The following P2RX3 variants were observed in gnomAD, a reference collection of about 807,000 sequenced individuals.
P2RX3 encodes the protein purinergic receptor P2X 3, also known as P2X purinoceptor 3.
In P2RX3, 41 loss-of-function variants were observed where a neutral mutation model predicts 51.5. That is an observed-to-expected ratio of 0.80 (90% CI 0.62 to 1.03). The LOEUF (loss-of-function observed/expected upper bound fraction) is 1.03. Ranked by LOEUF, P2RX3 falls within the 50% of genes least tolerant of loss-of-function variation. P2RX3 has a pLI of 0.00. For synonymous variants in P2RX3, 185 were observed against 191.6 expected (o/e 0.97, Z 0.29); for missense variants, 459 against 522.1 (o/e 0.88, Z 1.18).
upstream of P2RX3, among the ~76,000 whole-genome samples, chr11:57,336,417 C>T (rs942254575): frequency 2.6e-5 from 4 of 152,210 alleles, no homozygotes; most frequent in Admixed American, 1.3e-4. Context: ...CAGTTCAAGT[C>T]CTGGTGTCAG....
At chr11:57,340,217 CCTGGCTCCA>C (rs1353879773) in intron 1 of P2RX3, among the ~76,000 whole-genome samples, 1 of 152,168 alleles carries the variant, frequency 6.6e-6, no homozygotes, top group Non-Finnish European at 1.5e-5. Flanking sequence ...CCCCTTCTGG[CCTGGCTCCA>C]CTGGCTCCAG....
In P2RX3 at chr11:57,368,363, T is replaced by G. The variant is rs1447116254; in HGVS notation, c.937-9T>G. 6 of 1,614,006 alleles carry G rather than the reference T, an allele frequency of 3.7e-6. No homozygotes were observed. Among genetic ancestry groups the G allele is most frequent in the African/African-American group, 1.3e-5 (1 of 74,916 alleles). ...CTCTGCCCACTTGCCTTGGTCTTTG[T>G]GCACACAGGCTGGCAAGTTCAACAT... On this transcript the variant is annotated splice_polypyrimidine_tract_variant and intron_variant, in intron 9 of 11. Transcript: ENST00000263314.
At position 57,350,477 on chromosome 11, in the gene P2RX3, G is replaced by C; in HGVS notation, c.706-285G>C. On this transcript the variant is annotated intron_variant, in intron 7 of 11. Transcript: ENST00000263314. Reference sequence around the variant, plus strand: ...TTTGGTATTTTTAGTAGAGTCAGGGGTTCGCCGTGTTAGCCAGGATGGTCT... The same window carrying C: ...TTTGGTATTTTTAGTAGAGTCAGGGCTTCGCCGTGTTAGCCAGGATGGTCT... The C allele has an allele frequency of 1.2e-5, 4 of 331,222 alleles. No homozygotes were observed. The South Asian group carries it at 1.5e-4, about 12-fold the overall frequency. 20.5% of individuals were successfully genotyped at this position (331,222 alleles called of 1,614,324 possible). A position where few individuals can be genotyped will look rare whatever the true frequency, so the allele number is the denominator to read the frequency against.
intron 1 of P2RX3, among the ~76,000 whole-genome samples, chr11:57,341,755 G>A (rs1039268090): frequency 2.0e-5 from 3 of 152,134 alleles, no homozygotes; most frequent in African/African-American, 7.2e-5. Flanking sequence ...CAAACTAGGA[G>A]GCCAGGGACT....
Position 57,339,901 on chromosome 11 carries a change from C to CTCTGTGTGCTG in P2RX3, c.119+1232_119+1233insTCTGTGTGCTG, listed in dbSNP as rs1856307237. Reference sequence around the variant, plus strand: ...GTGATTTTTTGCTCTGTGTGCTGGGCAAGCCCTGGTAGGCTTCAGTGGGCA... The same window carrying CTCTGTGTGCTG: ...GTGATTTTTTGCTCTGTGTGCTGGGCTCTGTGTGCTGAAGCCCTGGTAGGCTTCAGTGGGCA... On this transcript the variant is annotated intron_variant, in intron 1 of 11. Coordinates refer to ENST00000263314, the MANE Select transcript of P2RX3 (RefSeq NM_002559.5). Among the ~76,000 whole-genome samples, 3 of 152,120 alleles carry CTCTGTGTGCTG rather than the reference C, an allele frequency of 2.0e-5. No homozygotes were observed. The South Asian group carries it at 6.2e-4, about 32-fold the overall frequency.
chr11:57,366,574 GA>G (rs1339541576), intron 8 of P2RX3, among the ~76,000 whole-genome samples: 1 of 152,126 alleles, frequency 6.6e-6, no homozygotes, highest in African/African-American at 2.4e-5. Context: ...AACCTCATTT[GA>G]AAAACAGAGC....
chr11:57,348,274 A>G lies in P2RX3; in HGVS notation c.485+11A>G. 2 of 1,591,600 alleles carry G rather than the reference A, an allele frequency of 1.3e-6. No individual in the cohort carries two copies. Among genetic ancestry groups the G allele is most frequent in the Non-Finnish European group, 1.7e-6 (2 of 1,169,202 alleles). ...GGACACAGTGGAAACGTAAGGCTCC[A>G]AGCCAGACAGGAGGAGACAGGCCCC... On this transcript the variant is annotated intron_variant, in intron 5 of 11. Transcript: ENST00000263314.
In P2RX3 at chr11:57,350,801, T is replaced by C; in HGVS notation, c.745T>C (p.Leu249=). 1 of 1,613,862 alleles carries C rather than the reference T, an allele frequency of 6.2e-7. No homozygotes were observed. The highest frequency in any genetic ancestry group is 8.5e-7 in the Non-Finnish European group (1 of 1,179,944). The part of the protein sequence containing the change: ...LGIKIGWVCD[L]DKAWDQCIPK... ...CATTAAGATCGGCTGGGTGTGCGACTTGGACAAGGCCTGGGACCAGTGCAT... is the reference window on the plus strand; with the variant it reads ...CATTAAGATCGGCTGGGTGTGCGACCTGGACAAGGCCTGGGACCAGTGCAT... Residue 249 remains leucine, a synonymous_variant, in exon 8 of 12, where the codon TTG becomes CTG. Coordinates refer to ENST00000263314, the MANE Select transcript of P2RX3 (RefSeq NM_002559.5).
chr11:57,366,697 G>C (rs1047817781), intron 8 of P2RX3, among the ~76,000 whole-genome samples: 9 of 152,226 alleles, frequency 5.9e-5, no homozygotes, highest in Admixed American at 3.3e-4. Context: ...AGGCTGAGAA[G>C]TCCAAGGCTG....
intron 1 of P2RX3, among the ~76,000 whole-genome samples, chr11:57,340,197 T>C (rs192152429): frequency 6.6e-6 from 1 of 152,314 alleles, no homozygotes; most frequent in East Asian, 1.9e-4. Context: ...AAAATCTGGC[T>C]CAGCACATTC....
At chr11:57,346,906 T>C (rs1419735284) in intron 2 of P2RX3, among the ~76,000 whole-genome samples, 3 of 152,176 alleles carry the variant, frequency 2.0e-5, no homozygotes, top group East Asian at 1.9e-4. Context: ...CAACTTGTAA[T>C]GCAATCAAGG....
At chr11:57,345,844 T>G (rs1856420695) in intron 1 of P2RX3, among the ~76,000 whole-genome samples, 1 of 152,054 alleles carries the variant, frequency 6.6e-6, no homozygotes, top group African/African-American at 2.4e-5. Flanking sequence ...ATCCAGGGAA[T>G]AAGATCAGAC....
In P2RX3 at chr11:57,372,279, C is replaced by T. The variant is rs10896612; in HGVS notation, c.*2282C>T. Among the ~76,000 whole-genome samples the T allele has an allele frequency of 0.82, 124,377 of 152,202 alleles. 51,351 individuals are homozygous for T. Among genetic ancestry groups the T allele is most frequent in the East Asian group, 0.99 (5,115 of 5,178 alleles). On this transcript the variant is annotated 3_prime_UTR_variant, in exon 12 of 12. Coordinates refer to ENST00000263314, the MANE Select transcript of P2RX3 (RefSeq NM_002559.5). ...TAATCATTCAACATAAAAGCCAACACTGATTACTTACTATTGGCAGGCAAT... is the reference window on the plus strand; with the variant it reads ...TAATCATTCAACATAAAAGCCAACATTGATTACTTACTATTGGCAGGCAAT...
At chr11:57,364,055 G>T (rs914045277) in intron 8 of P2RX3, among the ~76,000 whole-genome samples, 2 of 152,138 alleles carry the variant, frequency 1.3e-5, no homozygotes, top group Non-Finnish European at 2.9e-5. Context: ...ACGACTTTTT[G>T]TTCTCCAAGT....
rs1856277261 is a variant in P2RX3 at position 57,338,512 on chromosome 11, TG to T, written c.-36del. 1.4e-6 allele frequency: 2 copies of T among 1,475,644 alleles called. No homozygotes were observed. The highest frequency in any genetic ancestry group is 1.9e-6 in the Non-Finnish European group (2 of 1,065,862). The allele number at this position is 1,475,644 out of a possible 1,614,324, so 91.4% of individuals were successfully genotyped here. A position where few individuals can be genotyped will look rare whatever the true frequency, so the allele number is the denominator to read the frequency against. On this transcript the variant is annotated 5_prime_UTR_variant, in exon 1 of 12. Coordinates refer to ENST00000263314, the MANE Select transcript of P2RX3 (RefSeq NM_002559.5). ...GACCTCCCTCTCCTGAGGCCACCACTGGGCCCCCTTCTGAGTGTCCCCTGAG... is the reference window on the plus strand; with the variant it reads ...GACCTCCCTCTCCTGAGGCCACCACTGGCCCCCTTCTGAGTGTCCCCTGAG...
chr11:57,352,809 C>T (rs1452952813), intron 8 of P2RX3, among the ~76,000 whole-genome samples: 2 of 152,158 alleles, frequency 1.3e-5, no homozygotes, highest in Admixed American at 6.5e-5. Context: ...CCCCAAAGAC[C>T]CTGCCTGCAT....
chr11:57,354,053 C>T (rs982775745), intron 8 of P2RX3, among the ~76,000 whole-genome samples: 3 of 152,034 alleles, frequency 2.0e-5, no homozygotes, highest in African/African-American at 4.8e-5. Context: ...AAGGAGTTTA[C>T]GGACCCATGT....
Position 57,347,174 on chromosome 11 carries a change from G to A in P2RX3, c.314G>A (p.Gly105Glu), listed in dbSNP as rs747101058. The change falls in exon 3 of 12, where the codon GGA (glycine) becomes GAA (glutamate). Residue 105 changes from glycine to glutamate, a missense_variant. By Grantham distance (98) the Gly-to-Glu change is moderately conservative. Transcript: ENST00000263314. ...KMIVTENQMQ[G>E]FCPESEEKYR... The stretch of plus-strand genomic sequence containing the variant: ...ATTGTTACTGAAAATCAGATGCAAG[G>A]ATTCTGCCCAGAGGTGAGGGGAGGA... The A allele has an allele frequency of 9.3e-6, 15 of 1,613,444 alleles. No individual in the cohort carries two copies. The East Asian group carries it at 3.1e-4, about 34-fold the overall frequency.
chr11:57,337,907 A>G (rs897990655), upstream of P2RX3, among the ~76,000 whole-genome samples: 1 of 152,286 alleles, frequency 6.6e-6, no homozygotes, highest in Non-Finnish European at 1.5e-5. Context: ...GCTCATTACC[A>G]GCTGGAGTTA....
Sources: allele counts gnomAD v4.1 joint callset (sites outside exome capture counted in the v4.1 genomes callset), GRCh38; gene constraint gnomAD v4.1.1; transcripts MANE v1.5; gene names NCBI Gene and HGNC (gene_info 2026-07-23, HGNC 2026-07-21).